The following SLAIN2 variants were observed in gnomAD, a reference collection of about 807,000 sequenced individuals.
SLAIN2 encodes the protein SLAIN family member 2.
In SLAIN2, 31 loss-of-function variants were observed where a neutral mutation model predicts 56.6. That is an observed-to-expected ratio of 0.55 (90% confidence interval 0.41 to 0.74). The LOEUF is 0.74. SLAIN2 is among the 30% of genes least tolerant of loss of function. SLAIN2 has a pLI of 0.00. For synonymous variants in SLAIN2, 317 were observed against 284.9 expected, an observed-to-expected ratio of 1.11 and a Z score of -1.13; for missense variants, 777 against 754.2, an observed-to-expected ratio of 1.03 and a Z score of -0.35.
rs140162866 is a variant in SLAIN2 at position 48,375,932 on chromosome 4, G to A, written c.539-1964G>A. 1.8e-3 allele frequency among the ~76,000 whole-genome samples: 272 copies of A among 152,286 alleles called. 2 individuals carry two copies. The highest frequency in any genetic ancestry group is 0.01 in the Middle Eastern group (3 of 294). On this transcript the variant is annotated intron_variant, in intron 2 of 7. Coordinates refer to ENST00000264313, the MANE Select transcript of SLAIN2 (RefSeq NM_020846.2). Reference sequence around the variant, plus strand: ...CTCTCCTTCCAAAAAGCCTTACCCAGTTTCTCTCAGTTGTAATGAATTACT... The same window carrying A: ...CTCTCCTTCCAAAAAGCCTTACCCAATTTCTCTCAGTTGTAATGAATTACT...
Position 48,420,301 on chromosome 4 carries a change from A to C in SLAIN2, c.1537A>C (p.Asn513His), listed in dbSNP as rs1324462319. The C allele has an allele frequency of 6.2e-7, 1 of 1,613,796 alleles. No homozygotes were observed. Among genetic ancestry groups the C allele is most frequent in the East Asian group, 2.2e-5 (1 of 44,884 alleles). ...PPMVQSTVSA[N>H]PPSNINSATL... ...TATGGTTCAGAGCACAGTCTCAGCAAATCCTCCCAGCAATATCAACAGCGC... is the reference window on the plus strand; with the variant it reads ...TATGGTTCAGAGCACAGTCTCAGCACATCCTCCCAGCAATATCAACAGCGC... The change falls in exon 7 of 8, where the codon AAT becomes CAT. Residue 513 changes from asparagine (N) to histidine (H), a missense_variant. Coordinates refer to ENST00000264313, the MANE Select transcript of SLAIN2 (RefSeq NM_020846.2).
At chr4:48,381,894 A>G (rs1715981304) in intron 4 of SLAIN2, among the ~76,000 whole-genome samples, 1 of 152,182 alleles carries the variant, frequency 6.6e-6, no homozygotes, top group Non-Finnish European at 1.5e-5. Flanking sequence ...AAGCATCTGT[A>G]CTATTTGAAG....
intron 6 of SLAIN2, among the ~76,000 whole-genome samples, chr4:48,408,047 A>G (rs974646302): frequency 1.3e-5 from 2 of 152,154 alleles, no homozygotes; most frequent in Non-Finnish European, 2.9e-5. Flanking sequence ...TGCATAACAG[A>G]GTTTCAGGGC....
chr4:48,371,971 TACAC>T (rs35354568), intron 2 of SLAIN2, among the ~76,000 whole-genome samples: 10,429 of 147,920 alleles, frequency 0.071, 1,157 homozygotes, highest in African/African-American at 0.24. Context: ...AAAAAGTATA[TACAC>T]ACACACACAC....
intron 6 of SLAIN2, among the ~76,000 whole-genome samples, chr4:48,398,021 A>T (rs996808536): frequency 1.3e-5 from 2 of 152,188 alleles, no homozygotes; most frequent in African/African-American, 4.8e-5. Context: ...TTGAACATAC[A>T]CCCAGTAATG....
intron 1 of SLAIN2, among the ~76,000 whole-genome samples, chr4:48,344,722 A>G (rs1379895449): frequency 6.6e-6 from 1 of 152,022 alleles, no homozygotes; most frequent in Non-Finnish European, 1.5e-5. Context: ...GCTTCATGAT[A>G]AGAAATACAT....
intron 2 of SLAIN2, among the ~76,000 whole-genome samples, chr4:48,376,179 C>T (rs1577720873): frequency 6.6e-6 from 1 of 152,260 alleles, no homozygotes; most frequent in East Asian, 1.9e-4. Flanking sequence ...AGGGGCTGGG[C>T]ACGGTGACTC....
At chr4:48,394,356 C>CT (rs1040182933) in intron 6 of SLAIN2, among the ~76,000 whole-genome samples, 21 of 152,128 alleles carry the variant, frequency 1.4e-4, no homozygotes, top group African/African-American at 5.1e-4. Context: ...GTAAGAAACT[C>CT]TTTTTTAAAG....
rs139275988 is a variant in SLAIN2 at position 48,378,229 on chromosome 4, C to T, written c.703+169C>T. 5.1e-4 allele frequency among the ~76,000 whole-genome samples: 77 copies of T among 152,210 alleles called. No homozygotes were observed. The East Asian group carries it at 0.012, about 24-fold the overall frequency. On this transcript the variant is annotated intron_variant, in intron 3 of 7. Transcript: ENST00000264313. ...TTAGCACCAGGTACTATATTAGGCA[C>T]CAGGGGTATAAACATAAGCCAGTGT...
chr4:48,404,792 A>G (rs1480732624), intron 6 of SLAIN2, among the ~76,000 whole-genome samples: 4 of 152,234 alleles, frequency 2.6e-5, no homozygotes, highest in Non-Finnish European at 5.9e-5. Flanking sequence ...TCCTAGGTCA[A>G]AACTCTTTAA....
At chr4:48,356,456 ATGTACTAGTAGCTGAAAAGATC>A (rs1715159133) in intron 1 of SLAIN2, among the ~76,000 whole-genome samples, 2 of 151,560 alleles carry the variant, frequency 1.3e-5, no homozygotes, top group Non-Finnish European at 2.9e-5. Context: ...CTGAAAAGAT[ATGTACTAGTAGCTGAAAAGATC>A]TGTACTAGTA....
chr4:48,403,366 A>G (rs573642628), intron 6 of SLAIN2, among the ~76,000 whole-genome samples: 26 of 152,054 alleles, frequency 1.7e-4, no homozygotes, highest in African/African-American at 5.5e-4. Context: ...CAGGGGCTCC[A>G]TCATCAGAGT....
chr4:48,359,412 C>A (rs1211308930), intron 1 of SLAIN2, among the ~76,000 whole-genome samples: 1 of 152,140 alleles, frequency 6.6e-6, no homozygotes, highest in Non-Finnish European at 1.5e-5. Flanking sequence ...AAATTTAAAT[C>A]ATTTTTGTCC....
intron 1 of SLAIN2, among the ~76,000 whole-genome samples, chr4:48,347,238 C>T (rs943629004): frequency 6.7e-6 from 1 of 150,330 alleles, no homozygotes; most frequent in African/African-American, 2.5e-5. Flanking sequence ...TTTTTGGCAT[C>T]AGGGACCGGT....
chr4:48,393,291 A>G (rs1560460954), intron 6 of SLAIN2, among the ~76,000 whole-genome samples: 1 of 152,080 alleles, frequency 6.6e-6, no homozygotes, highest in East Asian at 1.9e-4. Flanking sequence ...TGGTGCAGTC[A>G]CAGCTCACTG....
intron 1 of SLAIN2, among the ~76,000 whole-genome samples, chr4:48,364,927 A>G (rs1411867390): frequency 1.3e-5 from 2 of 150,608 alleles, no homozygotes; most frequent in Non-Finnish European, 3.0e-5. Context: ...TAAATTTCTA[A>G]TTCAGTCTCT....
intron 2 of SLAIN2, among the ~76,000 whole-genome samples, chr4:48,377,329 C>T (rs1353303055): frequency 7.2e-6 from 1 of 138,230 alleles, no homozygotes; most frequent in African/African-American, 2.8e-5. Flanking sequence ...ACCACCATGC[C>T]TGGCTAATTT....
At chr4:48,356,917 T>A (rs1338599042) in intron 1 of SLAIN2, among the ~76,000 whole-genome samples, 1 of 152,130 alleles carries the variant, frequency 6.6e-6, no homozygotes, top group East Asian at 1.9e-4. Context: ...TTTGCACTGT[T>A]TTTTGGGTTC....
chr4:48,389,428 A>C (rs1328561269), intron 6 of SLAIN2, among the ~76,000 whole-genome samples: 1 of 152,130 alleles, frequency 6.6e-6, no homozygotes, highest in Admixed American at 6.5e-5. Context: ...TCAGTCACTT[A>C]TGTGTTCCTT....
Sources: allele counts gnomAD v4.1 joint callset (sites outside exome capture counted in the v4.1 genomes callset), GRCh38; gene constraint gnomAD v4.1.1; transcripts MANE v1.5; gene names NCBI Gene and HGNC (gene_info 2026-07-23, HGNC 2026-07-21).